The following PCDHGB5 variants were observed in gnomAD, a reference collection of about 807,000 sequenced individuals.
PCDHGB5 encodes protocadherin gamma-B5.
A neutral mutation model predicts 62.9 loss-of-function variants in PCDHGB5; 48 were observed. That is an observed-to-expected ratio of 0.76 (90% CI 0.61 to 0.97). PCDHGB5 has a LOEUF of 0.97. PCDHGB5 is among the 50% of genes least tolerant of loss of function. The pLI is 0.00. For synonymous variants in PCDHGB5, 474 were observed against 511.2 expected, an observed-to-expected ratio of 0.93 and a Z score of 0.98; for missense variants, 1,118 against 1,198.6, an observed-to-expected ratio of 0.93 and a Z score of 0.99.
chr5:141,510,448 C>T (rs1339979584), intron 3 of PCDHGB5, among the ~76,000 whole-genome samples: 1 of 152,016 alleles, frequency 6.6e-6, no homozygotes, highest in Non-Finnish European at 1.5e-5. Context: ...TCCAGGAGCC[C>T]ATGGTCTAGT....
At chr5:141,430,603 C>A in intron 1 of PCDHGB5, 1 of 632,906 alleles carries the variant, frequency 1.6e-6, no homozygotes, top group Non-Finnish European at 2.5e-6. Context: ...GCGCCTGAAG[C>A]ACAAAGCAGA....
intron 1 of PCDHGB5, chr5:141,414,112 T>C (rs967826724): frequency 1.3e-6 from 2 of 1,592,428 alleles, no homozygotes; most frequent in African/African-American, 2.7e-5. Context: ...AAATCTAGAT[T>C]ATGAAGAAAC....
intron 1 of PCDHGB5, among the ~76,000 whole-genome samples, chr5:141,449,042 A>G (rs1211970675): frequency 6.6e-6 from 1 of 152,186 alleles, no homozygotes; most frequent in Non-Finnish European, 1.5e-5. Context: ...ATTATTAACC[A>G]GTCTCATAAA....
intron 1 of PCDHGB5, chr5:141,415,994 C>G: frequency 6.6e-6 from 2 of 303,006 alleles, no homozygotes; most frequent in East Asian, 6.9e-5. Context: ...GTTCTGAAGG[C>G]AGGTCTGGTA....
intron 1 of PCDHGB5, chr5:141,403,617 G>C: frequency 6.2e-7 from 1 of 1,613,856 alleles, no homozygotes; most frequent in Non-Finnish European, 8.5e-7. Flanking sequence ...GAGCCGCGTC[G>C]CTCCAGCACA....
chr5:141,471,626 G>A (rs938624727), intron 1 of PCDHGB5: 2 of 152,108 alleles, frequency 1.3e-5, no homozygotes, highest in South Asian at 4.1e-4. Context: ...GTAAGCATTG[G>A]TATGGATTAG....
At position 141,491,423 on chromosome 5, in the gene PCDHGB5, G is replaced by C; in HGVS notation, c.2398-3384G>C. On this transcript the variant is annotated intron_variant, in intron 1 of 3. Transcript: ENST00000617380. The surrounding 1 kb of genome is among the most constrained non-coding windows in gnomAD (Gnocchi z 6.9). ...AACGCAGACGGGGACGGGGGTGGAG[G>C]GCAGTGCTGCAGGCGCCAGGACTCA... 1 of 1,614,126 alleles carries C rather than the reference G, an allele frequency of 6.2e-7. No individual in the cohort carries two copies. Among genetic ancestry groups the C allele is most frequent in the South Asian group, 1.1e-5 (1 of 91,090 alleles).
chr5:141,464,519 A>G (rs974292961), intron 1 of PCDHGB5, among the ~76,000 whole-genome samples: 21 of 152,058 alleles, frequency 1.4e-4, no homozygotes, highest in African/African-American at 4.1e-4. Context: ...AGGTAAAGGC[A>G]TATGTAGTTT....
chr5:141,476,367 G>C lies in PCDHGB5; in HGVS notation c.2398-18440G>C, dbSNP rs754652710. ...TTCTTTGAGGTGAACCGGGAGACCG[G>C]AGAGATGTTTGTGAACGACCGTCTG... On this transcript the variant is annotated intron_variant, in intron 1 of 3. Transcript: ENST00000617380. This position sits in a 1 kb window ranked among gnomAD's most constrained non-coding sequence, Gnocchi z 7.6. 6.2e-7 allele frequency: 1 copy of C among 1,614,172 alleles called. No homozygotes were observed. Among genetic ancestry groups the C allele is most frequent in the Non-Finnish European group, 8.5e-7 (1 of 1,180,036 alleles).
In PCDHGB5 at chr5:141,491,556, C is replaced by T. The variant is rs2099720720; in HGVS notation, c.2398-3251C>T. The T allele has an allele frequency of 1.2e-6, 2 of 1,613,848 alleles. No homozygotes were observed. The highest frequency in any genetic ancestry group is 1.7e-5 in the Admixed American group (1 of 60,000). ...TGCGGCCCACAGACTCGCAGAGCCA[C>T]TGCTACAGGACGTGCTTTTCACCGG... On this transcript the variant is annotated intron_variant, in intron 1 of 3. Transcript: ENST00000617380. The surrounding 1 kb of genome is among the most constrained non-coding windows in gnomAD (Gnocchi z 6.9).
intron 2 of PCDHGB5, among the ~76,000 whole-genome samples, chr5:141,503,598 C>CAA (rs765754054): frequency 1.5e-4 from 10 of 65,698 alleles, no homozygotes; most frequent in African/African-American, 2.3e-4. Context: ...GACTCCAGCT[C>CAA]AAAAAAAAAA....
At position 141,485,225 on chromosome 5, in the gene PCDHGB5, T is replaced by C; in HGVS notation, c.2398-9582T>C. The C allele has an allele frequency of 1.2e-6, 2 of 1,614,156 alleles. No homozygotes were observed. Among genetic ancestry groups the C allele is most frequent in the Non-Finnish European group, 1.7e-6 (2 of 1,180,010 alleles). On this transcript the variant is annotated intron_variant, in intron 1 of 3. Coordinates refer to ENST00000617380, the MANE Select transcript of PCDHGB5 (RefSeq NM_018925.3). The surrounding 1 kb of genome is among the most constrained non-coding windows in gnomAD (Gnocchi z 5.7). Reference sequence around the variant, plus strand: ...AGAAATCTGGCGGTGGGCTACCCTTTTGTTCCTCTTTTACCACCTGGGTTA... The same window carrying C: ...AGAAATCTGGCGGTGGGCTACCCTTCTGTTCCTCTTTTACCACCTGGGTTA...
chr5:141,427,052 C>T (rs79280874), intron 1 of PCDHGB5: 9,800 of 457,514 alleles, frequency 0.021, 162 homozygotes, highest in Middle Eastern at 0.051. Flanking sequence ...TGCCCCCAGG[C>T]ACCTCTGTAC....
chr5:141,502,027 C>T (rs547850211), intron 2 of PCDHGB5, among the ~76,000 whole-genome samples: 6 of 152,274 alleles, frequency 3.9e-5, no homozygotes, highest in African/African-American at 9.6e-5. Flanking sequence ...CTGCAACCCC[C>T]GCCGCTTGCC....
intron 1 of PCDHGB5, chr5:141,404,714 G>T (rs776337117): frequency 6.2e-7 from 1 of 1,614,068 alleles, no homozygotes; most frequent in Non-Finnish European, 8.5e-7. Context: ...TGGCTACCTG[G>T]TGACCAAGGT....
chr5:141,417,947 T>A (rs958624664), intron 1 of PCDHGB5: 53 of 1,613,420 alleles, frequency 3.3e-5, no homozygotes, highest in Middle Eastern at 1.7e-4. Context: ...CCCCACGCTG[T>A]GTGAGCCGAT....
intron 1 of PCDHGB5, chr5:141,433,015 C>T (rs2154555449): frequency 2.5e-6 from 4 of 1,614,172 alleles, no homozygotes; most frequent in South Asian, 2.2e-5. Flanking sequence ...TCCTGCAGAC[C>T]TATTCCCACG....
chr5:141,476,743 T>A lies in PCDHGB5; in HGVS notation c.2398-18064T>A. On this transcript the variant is annotated intron_variant, in intron 1 of 3. Coordinates refer to ENST00000617380, the MANE Select transcript of PCDHGB5 (RefSeq NM_018925.3). The surrounding 1 kb of genome is among the most constrained non-coding windows in gnomAD (Gnocchi z 7.6). ...CCCTGGACCGAGAACGGGAGCCTAG[T>A]CTCCAGTTAGTGCTGACGGCGTTGG... is the stretch of plus-strand genomic sequence containing the variant. The A allele has an allele frequency of 6.2e-7, 1 of 1,613,932 alleles. No individual in the cohort carries two copies. The highest frequency in any genetic ancestry group is 1.1e-5 in the South Asian group (1 of 91,064).
At chr5:141,418,687 G>T (rs758554600) in intron 1 of PCDHGB5, 1 of 1,613,928 alleles carries the variant, frequency 6.2e-7, no homozygotes, top group African/African-American at 1.3e-5. Context: ...TCAACTCAGA[G>T]ATCACTTATT....
Sources: allele counts gnomAD v4.1 joint callset (sites outside exome capture counted in the v4.1 genomes callset), GRCh38; gene constraint gnomAD v4.1.1; non-coding constraint Gnocchi (gnomAD v3.1); transcripts MANE v1.5; gene names NCBI Gene and HGNC (gene_info 2026-07-23, HGNC 2026-07-21).